THSD7B: variants seen among roughly 807,000 people sequenced by gnomAD.
The protein encoded by THSD7B is thrombospondin type-1 domain-containing protein 7B.
A neutral mutation model predicts 213.6 loss-of-function variants in THSD7B; 138 were observed. The observed-to-expected ratio is 0.65, with a 90% confidence interval of 0.56 to 0.74. The LOEUF (loss-of-function observed/expected upper bound fraction) is 0.74, where lower values mean the gene tolerates loss of function less well. Ranked by LOEUF, THSD7B falls within the 30% of genes least tolerant of loss-of-function variation. The pLI, the probability that THSD7B is intolerant of heterozygous loss-of-function variation, is 0.00. For synonymous variants in THSD7B, 742 were observed against 687.0 expected, an observed-to-expected ratio of 1.08 and a Z score of -1.25; for missense variants, 1,931 against 1,991.5, an observed-to-expected ratio of 0.97 and a Z score of 0.58.
At chr2:136,802,908 G>A (rs1408016254) in intron 1 of THSD7B, among the ~76,000 whole-genome samples, 1 of 151,470 alleles carries the variant, frequency 6.6e-6, no homozygotes, top group Non-Finnish European at 1.5e-5. Context: ...CTCATGATGG[G>A]TATGCTACGA....
At chr2:136,951,669 G>A (rs546352398) in intron 2 of THSD7B, among the ~76,000 whole-genome samples, 1 of 152,266 alleles carries the variant, frequency 6.6e-6, no homozygotes, top group East Asian at 1.9e-4. Context: ...TATTCTGTGG[G>A]GGAAGATGGT....
intron 12 of THSD7B, among the ~76,000 whole-genome samples, chr2:137,292,796 C>T (rs1168856776): frequency 6.6e-6 from 1 of 152,162 alleles, no homozygotes; most frequent in Non-Finnish European, 1.5e-5. Flanking sequence ...TCTTTAGTCA[C>T]TCTAGAGCAC....
At chr2:137,327,349 T>G (rs1441763050) in intron 12 of THSD7B, among the ~76,000 whole-genome samples, 1 of 152,240 alleles carries the variant, frequency 6.6e-6, no homozygotes, top group Non-Finnish European at 1.5e-5. Context: ...CTGTAAGTAT[T>G]AAAAGTATCT....
At chr2:136,801,699 G>A (rs750105259) in intron 1 of THSD7B, among the ~76,000 whole-genome samples, 2 of 152,160 alleles carry the variant, frequency 1.3e-5, no homozygotes, top group East Asian at 1.9e-4. Flanking sequence ...TTTTGAAAGC[G>A]AGGAGGATGG....
chr2:136,813,378 T>C (rs1682415456), intron 1 of THSD7B, among the ~76,000 whole-genome samples: 6 of 152,144 alleles, frequency 3.9e-5, no homozygotes, highest in Admixed American at 3.9e-4. Flanking sequence ...ACAAAGCTCC[T>C]GTTGGCTGGA....
At chr2:137,416,209 A>T (rs567482112) in intron 14 of THSD7B, among the ~76,000 whole-genome samples, 28 of 152,244 alleles carry the variant, frequency 1.8e-4, no homozygotes, top group African/African-American at 5.5e-4. Context: ...GATATCTGTC[A>T]TGCCAGGAGC....
intron 10 of THSD7B, among the ~76,000 whole-genome samples, chr2:137,251,624 A>G (rs980994467): frequency 2.0e-5 from 3 of 152,206 alleles, no homozygotes; most frequent in Non-Finnish European, 2.9e-5. Context: ...GTCATGTGCA[A>G]TCTTTTAGTG....
chr2:136,941,418 G>A (rs550422773), intron 2 of THSD7B, among the ~76,000 whole-genome samples: 1 of 152,280 alleles, frequency 6.6e-6, no homozygotes, highest in South Asian at 2.1e-4. Flanking sequence ...CTAGATCCTC[G>A]AGGAATTGCC....
chr2:137,246,895 T>G (rs570588105), intron 10 of THSD7B, among the ~76,000 whole-genome samples: 6 of 152,284 alleles, frequency 3.9e-5, no homozygotes, highest in Admixed American at 6.5e-5. Context: ...AGCCTTTAGT[T>G]TTTTCAATGG....
rs538078559 is a variant in THSD7B, at chr2:137,467,047, C to A, written c.3138+16024C>A. On this transcript the variant is annotated intron_variant, in intron 15 of 27. Coordinates refer to ENST00000409968, the MANE Select transcript of THSD7B (RefSeq NM_001316349.2). ...AATGCCTCCCCAGCTCCCCCAGAAGCCTTTCCCTCATGCCTCACTGACTGA... is the reference window on the plus strand; with the variant it reads ...AATGCCTCCCCAGCTCCCCCAGAAGACTTTCCCTCATGCCTCACTGACTGA... Among the ~76,000 whole-genome samples, 5 of 152,222 alleles carry A rather than the reference C, an allele frequency of 3.3e-5. No individual in the cohort carries two copies. In the South Asian group the frequency reaches 6.2e-4, roughly 19 times the overall value.
intron 12 of THSD7B, among the ~76,000 whole-genome samples, chr2:137,374,203 C>T (rs1017519683): frequency 6.6e-6 from 1 of 152,064 alleles, no homozygotes; most frequent in Non-Finnish European, 1.5e-5. Flanking sequence ...GCTTTGTAAA[C>T]ACACAATGGG....
At chr2:137,373,047 A>T (rs796289545) in intron 12 of THSD7B, among the ~76,000 whole-genome samples, 5,666 of 151,934 alleles carry the variant, frequency 0.037, 157 homozygotes, top group Non-Finnish European at 0.059. Flanking sequence ...TTATGGCTGC[A>T]TAGTATTCCA....
At chr2:137,452,771 T>G (rs1409448912) in intron 15 of THSD7B, among the ~76,000 whole-genome samples, 3 of 152,034 alleles carry the variant, frequency 2.0e-5, no homozygotes, top group Admixed American at 2.0e-4. Flanking sequence ...AAGAATAAGA[T>G]AAAAATAACT....
intron 6 of THSD7B, among the ~76,000 whole-genome samples, chr2:137,161,055 T>C (rs1038758419): frequency 6.6e-6 from 1 of 152,222 alleles, no homozygotes; most frequent in African/African-American, 2.4e-5. Context: ...TGATGTTATA[T>C]TTTAGATTTT....
rs1681068092 is a variant in THSD7B, at chr2:137,559,772, CAGGCAACCTA to C, written c.3139-3448_3139-3439del. Among the ~76,000 whole-genome samples the C allele has an allele frequency of 2.6e-5, 4 of 152,168 alleles. No homozygotes were observed. The South Asian group carries it at 8.3e-4, about 31-fold the overall frequency. ...CAAAAGAAACTACCATCCAATTGAA[CAGGCAACCTA>C]CAGAATGGGAGAAAATTTTTGCAAT... On this transcript the variant is annotated intron_variant, in intron 15 of 27. Transcript: ENST00000409968.
intron 17 of THSD7B, among the ~76,000 whole-genome samples, chr2:137,594,532 G>A (rs1201961039): frequency 6.6e-6 from 1 of 151,920 alleles, no homozygotes; most frequent in East Asian, 1.9e-4. Context: ...ACAGCTATGT[G>A]TTTGTCTCTT....
intron 12 of THSD7B, among the ~76,000 whole-genome samples, chr2:137,377,383 C>A (rs1685679659): frequency 6.6e-6 from 1 of 151,946 alleles, no homozygotes; most frequent in South Asian, 2.1e-4. Flanking sequence ...AATATTAATT[C>A]CTTATTTGTG....
intron 26 of THSD7B, among the ~76,000 whole-genome samples, chr2:137,665,220 G>T (rs1481207788): frequency 6.6e-6 from 1 of 152,178 alleles, no homozygotes; most frequent in Non-Finnish European, 1.5e-5. Context: ...CCCATTGCCT[G>T]TGGATCCTAT....
chr2:137,647,317 A>G (rs1683051765), intron 21 of THSD7B, among the ~76,000 whole-genome samples: 1 of 152,140 alleles, frequency 6.6e-6, no homozygotes, highest in Non-Finnish European at 1.5e-5. Context: ...CTGTCATCTA[A>G]TAATGGATTG....
Sources: allele counts gnomAD v4.1 joint callset (sites outside exome capture counted in the v4.1 genomes callset), GRCh38; gene constraint gnomAD v4.1.1; transcripts MANE v1.5; gene names NCBI Gene and HGNC (gene_info 2026-07-23, HGNC 2026-07-21).